Variants in FMNL3 observed in about 807,000 individuals in gnomAD.
FMNL3 encodes formin like 3.
FMNL3 carries 57 observed loss-of-function variants against 119.6 expected under a neutral mutation model. The ratio of observed to expected loss-of-function variants is 0.48; its 90% CI spans 0.39 to 0.59. The LOEUF is 0.59. FMNL3 is among the 20% of genes least tolerant of loss of function. The pLI is 0.00. For synonymous variants in FMNL3, 491 were observed against 507.3 expected, an observed-to-expected ratio of 0.97 and a Z score of 0.43; for missense variants, 1,053 against 1,323.5, an observed-to-expected ratio of 0.80 and a Z score of 3.17.
chr12:49,704,672 C>T (rs1944996986), intron 1 of FMNL3, among the ~76,000 whole-genome samples: 1 of 147,368 alleles, frequency 6.8e-6, no homozygotes, highest in Non-Finnish European at 1.5e-5. Flanking sequence ...GATCGTGCTG[C>T]CGCACTCCAG....
At position 49,653,861 on chromosome 12, in the gene FMNL3, G is replaced by A; in HGVS notation, c.1085C>T (p.Thr362Ile). The change falls in exon 12 of 26, where the codon ACA becomes ATA. Residue 362 changes from threonine to isoleucine, a missense_variant. Around this residue, in one of 4 missense-constraint regions of FMNL3, gnomAD observed 445 missense variants for 628.4 expected, o/e 0.71. Coordinates refer to ENST00000335154, the MANE Select transcript of FMNL3 (RefSeq NM_175736.5). ...CTGCACCTGCAGCTTCTCGCTCTCTGTGTGCCTTGACTTCTGGGGGAAGAG... is the reference window on the plus strand; with the variant it reads ...CTGCACCTGCAGCTTCTCGCTCTCTATGTGCCTTGACTTCTGGGGGAAGAG... ...LEEFLQKSRH[T>I]ESEKLQVQIQ... 1 of 1,614,190 alleles carries A rather than the reference G, an allele frequency of 6.2e-7. No homozygotes were observed. The highest frequency in any genetic ancestry group is 8.5e-7 in the Non-Finnish European group (1 of 1,180,036).
rs1299456236 is a variant in FMNL3, at chr12:49,653,851, C to T, written c.1095G>A (p.Glu365=). The stretch of plus-strand genomic sequence containing the variant: ...ATGCCTGAATCTGCACCTGCAGCTT[C>T]TCGCTCTCTGTGTGCCTTGACTTCT... ...FLQKSRHTES[E]KLQVQIQAYL... Residue 365 remains glutamate (E), a synonymous_variant, in exon 12 of 26, where the codon GAG becomes GAA. Transcript: ENST00000335154. 7 of 1,614,226 alleles carry T rather than the reference C, an allele frequency of 4.3e-6. No individual in the cohort carries two copies. The South Asian group carries it at 4.4e-5, about 10-fold the overall frequency.
intron 1 of FMNL3, among the ~76,000 whole-genome samples, chr12:49,687,136 C>T (rs1944485926): frequency 6.6e-6 from 1 of 150,762 alleles, no homozygotes; most frequent in African/African-American, 2.5e-5. Context: ...ATTCTGTCTC[C>T]AGGCTGGAGT....
At position 49,665,273 on chromosome 12, in the gene FMNL3, T is replaced by C. The variant is rs528472913; in HGVS notation, c.368+559A>G. On this transcript the variant is annotated intron_variant, in intron 4 of 25. Coordinates refer to ENST00000335154, the MANE Select transcript of FMNL3 (RefSeq NM_175736.5). ...ACACAGTTCCTAAGGGCCCTATCAA[T>C]GTGTTGGGGACACCAGGGTCTGTGA... is the stretch of plus-strand genomic sequence containing the variant. Among the ~76,000 whole-genome samples the C allele has an allele frequency of 3.6e-4, 55 of 151,032 alleles. 1 individual carries two copies. Among genetic ancestry groups the C allele is most frequent in the Admixed American group, 1.1e-3 (17 of 15,202 alleles).
At chr12:49,705,314 G>C (rs1200754285) in intron 1 of FMNL3, among the ~76,000 whole-genome samples, 3 of 152,194 alleles carry the variant, frequency 2.0e-5, no homozygotes, top group Admixed American at 2.0e-4. Flanking sequence ...GTGCTCTGGT[G>C]TCCTGGTTAA....
chr12:49,647,355 T>C lies in FMNL3; in HGVS notation c.2792A>G (p.Glu931Gly). The change falls in exon 24 of 26, where the codon GAG (glutamate) becomes GGG (glycine). Residue 931 changes from glutamate (E) to glycine (G), a missense_variant. Physicochemically the swap from Glu to Gly is moderately conservative, Grantham distance 98. Coordinates refer to ENST00000335154, the MANE Select transcript of FMNL3 (RefSeq NM_175736.5). The surrounding 1 kb of genome is among the most constrained non-coding windows in gnomAD (Gnocchi z 4.9). The part of the protein sequence containing the change: ...FIRSYKEAEQ[E>G]NEARKKQEEV... The stretch of plus-strand genomic sequence containing the variant: ...CTCCTGCTTCTTGCGGGCTTCATTC[T>C]CTTGTTCTGCTTCCTAAGAGCCATG... The C allele has an allele frequency of 6.2e-7, 1 of 1,612,786 alleles. No homozygotes were observed. Among genetic ancestry groups the C allele is most frequent in the South Asian group, 1.1e-5 (1 of 91,066 alleles).
At chr12:49,701,331 AG>A (rs1944905498) in intron 1 of FMNL3, among the ~76,000 whole-genome samples, 1 of 152,168 alleles carries the variant, frequency 6.6e-6, no homozygotes, top group Non-Finnish European at 1.5e-5. Flanking sequence ...CATAATCAGG[AG>A]AAAAGAAGCT....
intron 1 of FMNL3, among the ~76,000 whole-genome samples, chr12:49,691,229 A>G (rs1297194261): frequency 6.6e-6 from 1 of 152,246 alleles, no homozygotes; most frequent in Non-Finnish European, 1.5e-5. Flanking sequence ...TAATGTGTGT[A>G]AAGTGTTTTG....
In FMNL3 at chr12:49,649,126, C is replaced by T; in HGVS notation, c.2418G>A (p.Met806Ile). Residue 806 changes from methionine (M) to isoleucine (I), a missense_variant, in exon 21 of 26, where the codon ATG becomes ATA. Transcript: ENST00000335154. This position sits in a 1 kb window ranked among gnomAD's most constrained non-coding sequence, Gnocchi z 5.6. ...LLDTKSTDRK[M>I]TLLHFIALTV... Reference sequence around the variant, plus strand: ...TCAAGGCGATGAAATGAAGCAGTGTCATCTTCCGGTCAGTGGACTTGGTAT... The same window carrying T: ...TCAAGGCGATGAAATGAAGCAGTGTTATCTTCCGGTCAGTGGACTTGGTAT... 6.2e-7 allele frequency: 1 copy of T among 1,613,686 alleles called. No homozygotes were observed. The highest frequency in any genetic ancestry group is 8.5e-7 in the Non-Finnish European group (1 of 1,179,760).
Position 49,668,567 on chromosome 12 carries a change from C to G in FMNL3, c.127-13G>C. 24 of 1,613,524 alleles carry G rather than the reference C, an allele frequency of 1.5e-5. 1 individual carries two copies. The highest frequency in any genetic ancestry group is 1.9e-5 in the Non-Finnish European group (22 of 1,179,534). On this transcript the variant is annotated splice_polypyrimidine_tract_variant and intron_variant, in intron 1 of 25. Transcript: ENST00000335154. Reference sequence around the variant, plus strand: ...GGTTCATGGAGCTCTGAGGAGAGAACCTGAGTCAACAAGGCTGAAACCTCC... The same window carrying G: ...GGTTCATGGAGCTCTGAGGAGAGAAGCTGAGTCAACAAGGCTGAAACCTCC...
At position 49,707,206 on chromosome 12, in the gene FMNL3, C is replaced by T; in HGVS notation, c.-26G>A. Reference sequence around the variant, plus strand: ...CGCGGCGGGGCCCCCTCAGGGGCCTCGGCCCCCCACCTCCACGCTCCGGAG... The same window carrying T: ...CGCGGCGGGGCCCCCTCAGGGGCCTTGGCCCCCCACCTCCACGCTCCGGAG... On this transcript the variant is annotated 5_prime_UTR_variant, in exon 1 of 26. Coordinates refer to ENST00000335154, the MANE Select transcript of FMNL3 (RefSeq NM_175736.5). 1 of 1,487,646 alleles carries T rather than the reference C, an allele frequency of 6.7e-7. No individual in the cohort carries two copies. 92.2% of individuals were successfully genotyped at this position (1,487,646 alleles called of 1,614,324 possible). A position where few individuals can be genotyped will look rare whatever the true frequency, so the allele number is the denominator to read the frequency against.
Position 49,636,610 on chromosome 12 carries a change from T to C in FMNL3, c.*9205A>G. The C allele has an allele frequency of 6.6e-7, 1 of 1,504,488 alleles. No individual in the cohort carries two copies. The highest frequency in any genetic ancestry group is 1.2e-5 in the South Asian group (1 of 82,426). 93.2% of individuals were successfully genotyped at this position (1,504,488 alleles called of 1,614,324 possible). On this transcript the variant is annotated 3_prime_UTR_variant, in exon 26 of 26. Coordinates refer to ENST00000335154, the MANE Select transcript of FMNL3 (RefSeq NM_175736.5). ...CAGGCCCTTCCCCCACCACCCTGGGTATCCCTAGCACCTGTAGGACAGCAT... is the reference window on the plus strand; with the variant it reads ...CAGGCCCTTCCCCCACCACCCTGGGCATCCCTAGCACCTGTAGGACAGCAT...
chr12:49,651,365 GC>G lies in FMNL3; in HGVS notation c.1672+16del. ...CCTGGTCCCACCAGCCCTGCCCAGAGCCCTGGGGATACTCACCTGACAGGCC... is the reference window on the plus strand; with the variant it reads ...CCTGGTCCCACCAGCCCTGCCCAGAGCCTGGGGATACTCACCTGACAGGCC... On this transcript the variant is annotated intron_variant, in intron 15 of 25. Coordinates refer to ENST00000335154, the MANE Select transcript of FMNL3 (RefSeq NM_175736.5). The G allele has an allele frequency of 6.3e-7, 1 of 1,578,714 alleles. No homozygotes were observed. The highest frequency in any genetic ancestry group is 8.7e-7 in the Non-Finnish European group (1 of 1,154,932).
chr12:49,665,262 G>A (rs2138845367), intron 4 of FMNL3, among the ~76,000 whole-genome samples: 1 of 151,834 alleles, frequency 6.6e-6, no homozygotes, highest in African/African-American at 2.4e-5. Context: ...AGTTCCTAAG[G>A]GCCCTATCAA....
intron 25 of FMNL3, chr12:49,646,543 T>G: frequency 1.0e-6 from 1 of 957,362 alleles, no homozygotes; most frequent in Non-Finnish European, 1.5e-6. Flanking sequence ...TGCCAGAGGG[T>G]GATTGCAAGT....
chr12:49,659,370 C>T (rs1178849083), intron 5 of FMNL3, among the ~76,000 whole-genome samples: 1 of 152,138 alleles, frequency 6.6e-6, no homozygotes, highest in East Asian at 1.9e-4. Context: ...TTGTCACTTT[C>T]TGCTCCTGGA....
At chr12:49,691,717 G>T (rs1592691293) in intron 1 of FMNL3, among the ~76,000 whole-genome samples, 2 of 151,584 alleles carry the variant, frequency 1.3e-5, no homozygotes, top group African/African-American at 4.9e-5. Flanking sequence ...AGTAAGAGAG[G>T]AGCCTTTTTT....
intron 4 of FMNL3, among the ~76,000 whole-genome samples, chr12:49,665,139 T>C (rs1479612233): frequency 6.6e-6 from 1 of 151,976 alleles, no homozygotes; most frequent in African/African-American, 2.4e-5. Context: ...TACAGTTTCG[T>C]AACACTGAGG....
rs745550970 is a variant in FMNL3, at chr12:49,661,947, G to A, written c.452+19C>T. 26 of 1,612,022 alleles carry A rather than the reference G, an allele frequency of 1.6e-5. No homozygotes were observed. The highest frequency in any genetic ancestry group is 2.2e-5 in the Non-Finnish European group (26 of 1,178,260). On this transcript the variant is annotated intron_variant, in intron 5 of 25. Coordinates refer to ENST00000335154, the MANE Select transcript of FMNL3 (RefSeq NM_175736.5). Reference sequence around the variant, plus strand: ...CTCCCCCAACTGGTCCCCAACTTCAGCCCCGGGGTGGTACTCACATGACAG... The same window carrying A: ...CTCCCCCAACTGGTCCCCAACTTCAACCCCGGGGTGGTACTCACATGACAG...
Sources: gnomAD v4.1 joint callset for allele counts (sites outside exome capture counted in the v4.1 genomes callset) on GRCh38, gnomAD v4.1.1 for gene constraint, gnomAD v4.1.1 regional missense constraint, Gnocchi (gnomAD v3.1) non-coding constraint, MANE v1.5 for transcripts, NCBI Gene and HGNC (gene_info 2026-07-23, HGNC 2026-07-21) for gene names.